FNBP1: variants seen among roughly 807,000 people sequenced by gnomAD.
FNBP1 encodes formin-binding protein 1.
Under a neutral mutation model 90.6 loss-of-function variants are expected in FNBP1, and 26 were observed. The observed-to-expected ratio is 0.29, with a 90% CI of 0.21 to 0.40. The LOEUF (loss-of-function observed/expected upper bound fraction) is 0.40, where lower values mean the gene tolerates loss of function less well. Ranked by LOEUF, FNBP1 falls within the 10% of genes least tolerant of loss-of-function variation. The probability of loss-of-function intolerance (pLI) is 1.00; values close to 1 mark genes in which losing one functional copy is unlikely to be tolerated. For synonymous variants in FNBP1, 260 were observed against 265.2 expected (o/e 0.98, Z 0.19); for missense variants, 635 against 768.0 (o/e 0.83, Z 2.05).
Position 129,887,965 on chromosome 9 carries a change from C to T in FNBP1, c.*2574G>A, listed in dbSNP as rs1313493761. 1.3e-5 allele frequency: 3 copies of T among 232,536 alleles called. No homozygotes were observed. Among genetic ancestry groups the T allele is most frequent in the Non-Finnish European group, 8.5e-6 (1 of 117,560 alleles). 14.4% of individuals were successfully genotyped at this position (232,536 alleles called of 1,614,324 possible). ...AAATGATGATACATAGGACAACTGA[C>T]CTCCTCTAAGAAGCCCGGCTGGGGC... On this transcript the variant is annotated 3_prime_UTR_variant, in exon 17 of 17. Coordinates refer to ENST00000446176, the MANE Select transcript of FNBP1 (RefSeq NM_015033.3).
chr9:129,923,871 G>A lies in FNBP1; in HGVS notation c.1143C>T (p.Ile381=). 1 of 1,601,014 alleles carries A rather than the reference G, an allele frequency of 6.2e-7. No individual in the cohort carries two copies. Among genetic ancestry groups the A allele is most frequent in the South Asian group, 1.1e-5 (1 of 88,526 alleles). Residue 381 remains isoleucine, a synonymous_variant, in exon 10 of 17, where the codon ATC becomes ATT. Coordinates refer to ENST00000446176, the MANE Select transcript of FNBP1 (RefSeq NM_015033.3). The part of the protein sequence containing the change: ...FNEFMTSKPK[I]HCFRSLKRGL... Reference sequence around the variant, plus strand: ...CACGCTTTAGGCTCCTGAAGCAGTGGATTTTGGGTTTGGAGGTCATGAACT... The same window carrying A: ...CACGCTTTAGGCTCCTGAAGCAGTGAATTTTGGGTTTGGAGGTCATGAACT...
intron 4 of FNBP1, among the ~76,000 whole-genome samples, chr9:129,962,544 G>A (rs2047991437): frequency 6.6e-6 from 1 of 152,338 alleles, no homozygotes; most frequent in South Asian, 2.1e-4. Flanking sequence ...CTGACAACTG[G>A]AAAGGCTGGG....
intron 10 of FNBP1, among the ~76,000 whole-genome samples, chr9:129,922,805 T>C (rs566794728): frequency 3.3e-5 from 5 of 152,322 alleles, no homozygotes; most frequent in Admixed American, 1.3e-4. Flanking sequence ...ATTGCTTCAG[T>C]AGTTATTAAG....
intron 1 of FNBP1, among the ~76,000 whole-genome samples, chr9:130,002,697 G>A (rs140819663): frequency 5.3e-5 from 8 of 152,070 alleles, no homozygotes; most frequent in East Asian, 1.9e-4. Flanking sequence ...ACCTAGCCTC[G>A]GACACTCCTG....
intron 1 of FNBP1, among the ~76,000 whole-genome samples, chr9:130,030,435 C>CAAA (rs66826963): frequency 7.8e-6 from 1 of 128,382 alleles, no homozygotes; most frequent in Non-Finnish European, 1.7e-5. Context: ...ACTCCGTCTC[C>CAAA]AAAAAAAAAA....
rs149398121 is a variant in FNBP1, at chr9:129,991,262, C to T, written c.140+3581G>A. On this transcript the variant is annotated intron_variant, in intron 2 of 16. Transcript: ENST00000446176. ...CAGGTGAGTGGAGGAAAATCTAGGT[C>T]GTGGAAATGCAGATTTTTTTTTTTT... Among the ~76,000 whole-genome samples, 51 of 149,018 alleles carry T rather than the reference C, an allele frequency of 3.4e-4. 2 individuals are homozygous for T. In the East Asian group the frequency reaches 9.8e-3, roughly 29 times the overall value.
At position 130,017,300 on chromosome 9, in the gene FNBP1, C is replaced by T. The variant is rs75246276; in HGVS notation, c.25-22342G>A. On this transcript the variant is annotated intron_variant, in intron 1 of 16. Transcript: ENST00000446176. Reference sequence around the variant, plus strand: ...CCTATAAACCTAGCACAAGTGTTTTCTTTTCATTAATTATACACGGGTAGT... The same window carrying T: ...CCTATAAACCTAGCACAAGTGTTTTTTTTTCATTAATTATACACGGGTAGT... Among the ~76,000 whole-genome samples, 1,439 of 152,246 alleles carry T rather than the reference C, an allele frequency of 9.5e-3. 13 individuals carry two copies. Among genetic ancestry groups the T allele is most frequent in the Non-Finnish European group, 0.015 (1,007 of 68,024 alleles).
chr9:130,035,008 G>A (rs2059181118), intron 1 of FNBP1, among the ~76,000 whole-genome samples: 1 of 152,172 alleles, frequency 6.6e-6, no homozygotes. Flanking sequence ...AATTAGCAGA[G>A]TGTGGTGACA....
At chr9:129,976,206 A>G (rs2050280843) in intron 4 of FNBP1, among the ~76,000 whole-genome samples, 3 of 152,124 alleles carry the variant, frequency 2.0e-5, no homozygotes, top group Admixed American at 2.0e-4. Context: ...CACTATAGAC[A>G]TTTTGGGCCA....
chr9:129,956,698 T>G (rs1167996348), intron 6 of FNBP1, among the ~76,000 whole-genome samples: 1 of 152,152 alleles, frequency 6.6e-6, no homozygotes, highest in Non-Finnish European at 1.5e-5. Flanking sequence ...GCAGCCAAGC[T>G]CTTCCAGATG....
intron 10 of FNBP1, among the ~76,000 whole-genome samples, chr9:129,921,691 G>A (rs903206237): frequency 3.3e-5 from 5 of 152,168 alleles, no homozygotes; most frequent in Non-Finnish European, 7.3e-5. Flanking sequence ...GGGATTACGG[G>A]CATGAGCCAC....
At chr9:130,016,756 GA>G (rs1784020799) in intron 1 of FNBP1, among the ~76,000 whole-genome samples, 1 of 152,022 alleles carries the variant, frequency 6.6e-6, no homozygotes, top group Admixed American at 6.6e-5. Flanking sequence ...AAAAAGAAAA[GA>G]AAAGAAAATA....
chr9:129,890,517 C>G lies in FNBP1; in HGVS notation c.*22G>C, dbSNP rs1036032224. The G allele has an allele frequency of 1.3e-6, 2 of 1,582,424 alleles. No homozygotes were observed. Among genetic ancestry groups the G allele is most frequent in the East Asian group, 2.3e-5 (1 of 43,028 alleles). ...GGAGGCTCCTCCAGGAAGGCTCACC[C>G]GAGGCTCGCAGGCACTCCCCTCTAG... On this transcript the variant is annotated 3_prime_UTR_variant, in exon 17 of 17. Coordinates refer to ENST00000446176, the MANE Select transcript of FNBP1 (RefSeq NM_015033.3). The surrounding 1 kb of genome is among the most constrained non-coding windows in gnomAD (Gnocchi z 5.8).
chr9:129,995,049 T>C, intron 1 of FNBP1, 91 bp from the exon 2 acceptor site: 1 of 698,316 alleles, frequency 1.4e-6, no homozygotes, highest in Non-Finnish European at 2.5e-6. Context: ...TATTACTACA[T>C]ACAAAGTAGT....
chr9:129,895,004 G>A (rs542198381), intron 16 of FNBP1, among the ~76,000 whole-genome samples: 1 of 152,194 alleles, frequency 6.6e-6, no homozygotes, highest in African/African-American at 2.4e-5. Flanking sequence ...AGGTTGCAGT[G>A]AGCCACTGTA....
At chr9:129,891,101 G>C (rs984422670) in intron 16 of FNBP1, among the ~76,000 whole-genome samples, 1 of 150,748 alleles carries the variant, frequency 6.6e-6, no homozygotes, top group African/African-American at 2.4e-5. Context: ...GTTGCAGTGA[G>C]CTGAGATCGG....
intron 1 of FNBP1, among the ~76,000 whole-genome samples, chr9:130,034,826 G>A (rs187300739): frequency 2.0e-5 from 3 of 152,272 alleles, no homozygotes; most frequent in Non-Finnish European, 4.4e-5. Context: ...GAGTGGTGGG[G>A]ATAAAGGGAA....
At chr9:129,975,156 CTGCAGTAAGCCGAGTTTGTGCA>C (rs2050112386) in intron 4 of FNBP1, among the ~76,000 whole-genome samples, 1 of 152,210 alleles carries the variant, frequency 6.6e-6, no homozygotes, top group South Asian at 2.1e-4. Context: ...AAGGCGGAGG[CTGCAGTAAGCCGAGTTTGTGCA>C]ACTGCACTCC....
intron 6 of FNBP1, among the ~76,000 whole-genome samples, chr9:129,935,274 G>A (rs1185689299): frequency 1.3e-5 from 2 of 151,520 alleles, no homozygotes; most frequent in Non-Finnish European, 2.9e-5. Context: ...CAGGCATGAT[G>A]AGGCACCATA....
Sources: gnomAD v4.1 joint callset for allele counts (sites outside exome capture counted in the v4.1 genomes callset) on GRCh38, gnomAD v4.1.1 for gene constraint, Gnocchi (gnomAD v3.1) non-coding constraint, MANE v1.5 for transcripts, NCBI Gene and HGNC (gene_info 2026-07-23, HGNC 2026-07-21) for gene names.